Variants in TRAPPC9 observed in about 807,000 individuals in gnomAD.
TRAPPC9 encodes trafficking protein particle complex subunit 9, also known as IKK2 binding protein.
In TRAPPC9, 83 loss-of-function variants were observed where a neutral mutation model predicts 124.0. The ratio of observed to expected loss-of-function variants is 0.67; its 90% CI spans 0.56 to 0.80. The LOEUF (loss-of-function observed/expected upper bound fraction) is 0.80. TRAPPC9 is among the 30% of genes least tolerant of loss of function. The pLI, the probability that TRAPPC9 is intolerant of heterozygous loss-of-function variation, is 0.00. For missense variants in TRAPPC9, 1,302 were observed against 1,508.3 expected (o/e 0.86, Z 2.27); for synonymous variants, 638 against 617.5 (o/e 1.03, Z -0.49).
At chr8:140,161,505 T>A (rs2061751207) in intron 17 of TRAPPC9, among the ~76,000 whole-genome samples, 1 of 152,196 alleles carries the variant, frequency 6.6e-6, no homozygotes, top group Admixed American at 6.5e-5. Context: ...TACATTTATG[T>A]TTCATATATA....
intron 15 of TRAPPC9, among the ~76,000 whole-genome samples, chr8:140,271,150 C>G (rs376337621): frequency 1.1e-4 from 17 of 152,156 alleles, no homozygotes; most frequent in East Asian, 9.6e-4. Context: ...CAAGTATCAA[C>G]CAAACTCTAT....
intron 17 of TRAPPC9, chr8:140,040,073 T>C (rs1208046256): frequency 1.3e-5 from 2 of 152,066 alleles, no homozygotes; most frequent in Non-Finnish European, 2.9e-5. Context: ...CCTTAAGAAA[T>C]TTGAGACTCT....
At chr8:139,887,994 G>A (rs982604589) in intron 20 of TRAPPC9, among the ~76,000 whole-genome samples, 76 of 152,324 alleles carry the variant, frequency 5.0e-4, no homozygotes, top group African/African-American at 1.3e-3. Flanking sequence ...AAACCTTCCT[G>A]CACCTGACAC....
intron 5 of TRAPPC9, 58 bp from the exon 6 acceptor site, chr8:140,405,756 GTTAAAGAGGAGCATGAA>G (rs1402696148): frequency 6.2e-7 from 1 of 1,603,512 alleles, no homozygotes; most frequent in African/African-American, 1.3e-5. Flanking sequence ...TTATTTCTTT[GTTAAAGAGGAGCATGAA>G]TAAGACAAAA....
rs1022813293 is a variant in TRAPPC9, at chr8:140,356,000, G to A, written c.1495+4050C>T. 2.7e-4 allele frequency among the ~76,000 whole-genome samples: 41 copies of A among 152,134 alleles called. 1 individual carries two copies. Among genetic ancestry groups the A allele is most frequent in the African/African-American group, 9.4e-4 (39 of 41,422 alleles). Reference sequence around the variant, plus strand: ...AAATATAAACAGGATAAGAAAAAACGGTGGGGAAGGCAGAGGTTAAAGCAT... The same window carrying A: ...AAATATAAACAGGATAAGAAAAAACAGTGGGGAAGGCAGAGGTTAAAGCAT... On this transcript the variant is annotated intron_variant, in intron 9 of 22. Coordinates refer to ENST00000438773, the MANE Select transcript of TRAPPC9 (RefSeq NM_001160372.4).
intron 9 of TRAPPC9, among the ~76,000 whole-genome samples, chr8:140,344,957 C>T (rs937661047): frequency 6.6e-6 from 1 of 152,230 alleles, no homozygotes; most frequent in South Asian, 2.1e-4. Context: ...ATGTACTAGA[C>T]GTGGGGCCTG....
At chr8:140,261,113 G>T (rs2064396610) in intron 15 of TRAPPC9, among the ~76,000 whole-genome samples, 1 of 152,224 alleles carries the variant, frequency 6.6e-6, no homozygotes, top group Non-Finnish European at 1.5e-5. Flanking sequence ...TGTGGAGACA[G>T]AATGAGACAG....
In TRAPPC9 at chr8:139,791,125, C is replaced by T. The variant is rs146766243; in HGVS notation, c.3056-58923G>A. On this transcript the variant is annotated intron_variant, in intron 21 of 22. Transcript: ENST00000438773. The stretch of plus-strand genomic sequence containing the variant: ...GACAGCAATGAAGGAAGGCACGGGG[C>T]TCCCAGGGGAGTGCACAAGCCACGC... Among the ~76,000 whole-genome samples, 8 of 152,284 alleles carry T rather than the reference C, an allele frequency of 5.3e-5. No individual in the cohort carries two copies. The East Asian group carries it at 9.7e-4, about 18-fold the overall frequency.
chr8:139,841,563 G>A (rs943434255), intron 21 of TRAPPC9, among the ~76,000 whole-genome samples: 7 of 152,234 alleles, frequency 4.6e-5, no homozygotes, highest in African/African-American at 1.7e-4. Context: ...TGCAGGCTCT[G>A]GCCAATCCAT....
chr8:139,812,579 C>T (rs966496994), intron 21 of TRAPPC9, among the ~76,000 whole-genome samples: 3 of 152,218 alleles, frequency 2.0e-5, no homozygotes, highest in East Asian at 1.9e-4. Flanking sequence ...CCTTGTGGAA[C>T]GAATTGGCTT....
At position 139,955,921 on chromosome 8, in the gene TRAPPC9, T is replaced by A. The variant is rs143553663; in HGVS notation, c.2810+32805A>T. Among the ~76,000 whole-genome samples the A allele has an allele frequency of 9.2e-3, 1,400 of 152,302 alleles. 15 individuals are homozygous for A. Among genetic ancestry groups the A allele is most frequent in the Middle Eastern group, 0.037 (11 of 294 alleles). ...CTGCCATCCAGCATGACTGCCCCAG[T>A]GCCCCGCCCTCCCTCATGCTCAACT... On this transcript the variant is annotated intron_variant, in intron 19 of 22. Coordinates refer to ENST00000438773, the MANE Select transcript of TRAPPC9 (RefSeq NM_001160372.4).
At chr8:140,132,665 G>A (rs540349578) in intron 17 of TRAPPC9, among the ~76,000 whole-genome samples, 9 of 152,224 alleles carry the variant, frequency 5.9e-5, no homozygotes, top group African/African-American at 9.6e-5. Context: ...TGGAGACCTC[G>A]GTCTAGTGGG....
intron 17 of TRAPPC9, among the ~76,000 whole-genome samples, chr8:140,092,491 G>A (rs897129030): frequency 2.6e-5 from 4 of 151,982 alleles, no homozygotes; most frequent in Non-Finnish European, 5.9e-5. Flanking sequence ...GCCACCACGC[G>A]CGGCCACAGT....
At chr8:139,900,790 T>C (rs1480324288) in intron 20 of TRAPPC9, among the ~76,000 whole-genome samples, 2 of 152,082 alleles carry the variant, frequency 1.3e-5, no homozygotes, top group African/African-American at 2.4e-5. Flanking sequence ...TTTGAAACCA[T>C]GGGGCAGCTT....
intron 7 of TRAPPC9, among the ~76,000 whole-genome samples, chr8:140,389,412 G>A (rs1194763901): frequency 1.3e-5 from 2 of 152,186 alleles, no homozygotes; most frequent in African/African-American, 4.8e-5. Flanking sequence ...TATGGATTAA[G>A]TGCAGACACA....
Position 140,353,611 on chromosome 8 carries a change from T to C in TRAPPC9, c.1495+6439A>G, listed in dbSNP as rs1323658933. Among the ~76,000 whole-genome samples, 3 of 152,234 alleles carry C rather than the reference T, an allele frequency of 2.0e-5. No individual in the cohort carries two copies. The highest frequency in any genetic ancestry group is 1.3e-4 in the Admixed American group (2 of 15,286). The stretch of plus-strand genomic sequence containing the variant: ...GGTGTCAGTAACTGTAAATTCATCC[T>C]GAAACGGCCAGCGCAAGGATGACCA... On this transcript the variant is annotated intron_variant, in intron 9 of 22. Transcript: ENST00000438773. The surrounding 1 kb of genome is among the most constrained non-coding windows in gnomAD (Gnocchi z 4.2).
In TRAPPC9 at chr8:139,804,568, G is replaced by A. The variant is rs1457922981; in HGVS notation, c.3056-72366C>T. 4.8e-3 allele frequency among the ~76,000 whole-genome samples: 119 copies of A among 24,606 alleles called. 3 individuals are homozygous for A. Among genetic ancestry groups the A allele is most frequent in the African/African-American group, 0.017 (104 of 5,952 alleles). The allele number at this position is 24,606 out of a possible 152,430, so 16.1% of individuals were successfully genotyped here. ...CCCACCACCGCCACCAAGCACCACC[G>A]CCACCACCCACCACCGCCACCAAGC... On this transcript the variant is annotated intron_variant, in intron 21 of 22. Coordinates refer to ENST00000438773, the MANE Select transcript of TRAPPC9 (RefSeq NM_001160372.4).
chr8:140,131,530 T>A (rs2061208500), intron 17 of TRAPPC9, among the ~76,000 whole-genome samples: 1 of 152,168 alleles, frequency 6.6e-6, no homozygotes. Flanking sequence ...AGAGGCTCAG[T>A]GATGCGCCAG....
Position 140,426,727 on chromosome 8 carries a change from C to T in TRAPPC9, c.860-86G>A, listed in dbSNP as rs6998221. Reference sequence around the variant, plus strand: ...CTACTAAAACACATTTCATAATTCACATAGCCTAGAGAAAAATCTGACTTG... The same window carrying T: ...CTACTAAAACACATTTCATAATTCATATAGCCTAGAGAAAAATCTGACTTG... On this transcript the variant is annotated intron_variant, in intron 4 of 22. Transcript: ENST00000438773. 0.5 allele frequency: 670,336 copies of T among 1,341,642 alleles called. 172,148 individuals carry two copies. Among genetic ancestry groups the T allele is most frequent in the Middle Eastern group, 0.56 (3,005 of 5,322 alleles). 83.1% of individuals were successfully genotyped at this position (1,341,642 alleles called of 1,614,324 possible). A position where few individuals can be genotyped will look rare whatever the true frequency, so the allele number is the denominator to read the frequency against.
Sources: allele counts gnomAD v4.1 joint callset (sites outside exome capture counted in the v4.1 genomes callset), GRCh38; gene constraint gnomAD v4.1.1; non-coding constraint Gnocchi (gnomAD v3.1); transcripts MANE v1.5; gene names NCBI Gene and HGNC (gene_info 2026-07-23, HGNC 2026-07-21).